ZNF490: variants seen among roughly 807,000 people sequenced by gnomAD.
ZNF490 encodes zinc finger protein 490.
ZNF490 carries 11 observed loss-of-function variants against 17.7 expected under a neutral mutation model. That is an observed-to-expected ratio of 0.62 (90% CI 0.39 to 1.03). The LOEUF is 1.03. Ranked by LOEUF, ZNF490 falls within the 50% of genes least tolerant of loss-of-function variation. The probability of loss-of-function intolerance (pLI) is 0.00; values close to 1 mark genes in which losing one functional copy is unlikely to be tolerated. For synonymous variants in ZNF490, 222 were observed against 216.1 expected, an observed-to-expected ratio of 1.03 and a Z score of -0.24; for missense variants, 542 against 643.4, an observed-to-expected ratio of 0.84 and a Z score of 1.71.
chr19:12,601,818 CT>C (rs1190566674), intron 2 of ZNF490, among the ~76,000 whole-genome samples: 1 of 151,320 alleles, frequency 6.6e-6, no homozygotes, highest in Non-Finnish European at 1.5e-5. Context: ...TGGTGAAACC[CT>C]GTCTCTACTA....
chr19:12,591,729 C>T (rs1006810639), intron 2 of ZNF490, among the ~76,000 whole-genome samples: 2 of 151,350 alleles, frequency 1.3e-5, no homozygotes, highest in African/African-American at 4.9e-5. Flanking sequence ...TTTTAAAACA[C>T]TAAAAACACC....
At chr19:12,592,765 T>C (rs781667061) in intron 2 of ZNF490, among the ~76,000 whole-genome samples, 14 of 152,144 alleles carry the variant, frequency 9.2e-5, no homozygotes, top group African/African-American at 2.7e-4. Context: ...ATTAAAGTAA[T>C]AGAAAATATA....
chr19:12,598,936 G>C (rs1276409364), intron 2 of ZNF490, among the ~76,000 whole-genome samples: 1 of 150,514 alleles, frequency 6.6e-6, no homozygotes, highest in Admixed American at 6.6e-5. Context: ...GCGGTGAGCC[G>C]AGACTGCATC....
chr19:12,589,553 G>GAATTTCT (rs1280491145), intron 2 of ZNF490, among the ~76,000 whole-genome samples: 2 of 147,786 alleles, frequency 1.4e-5, no homozygotes, highest in Non-Finnish European at 3.0e-5. Context: ...GAATAGAAGG[G>GAATTTCT]AATTTCTTCT....
At chr19:12,604,454 A>G (rs2023043285) in intron 2 of ZNF490, among the ~76,000 whole-genome samples, 1 of 152,166 alleles carries the variant, frequency 6.6e-6, no homozygotes, top group Non-Finnish European at 1.5e-5. Flanking sequence ...GTTCGAGACC[A>G]GCCTGGCCAG....
chr19:12,588,370 A>T (rs2022826895), intron 2 of ZNF490, among the ~76,000 whole-genome samples: 1 of 152,182 alleles, frequency 6.6e-6, no homozygotes, highest in South Asian at 2.1e-4. Context: ...TGAAATTATC[A>T]GTGATAGAAG....
In ZNF490 at chr19:12,580,527, AG is replaced by A; in HGVS notation, c.1547del (p.Ser516PhefsTer49). The A allele has an allele frequency of 6.2e-7, 1 of 1,611,548 alleles. No homozygotes were observed. Among genetic ancestry groups the A allele is most frequent in the South Asian group, 1.1e-5 (1 of 90,892 alleles). ...TATGAGTCCTTTCGTGCACGTGCAA[AG>A]ACTTTGAGTAACTGAAGGCTTTACC... Reference protein sequence around the residue: ...QCGKAFSYSKSLHVHERTHSR... With the variant: ...QCGKAFSYSKXLHVHERTHSR... On this transcript the variant is annotated frameshift_variant, in exon 5 of 5. Coordinates refer to ENST00000311437, the MANE Select transcript of ZNF490 (RefSeq NM_020714.3). LOFTEE classifies it low-confidence loss of function (END_TRUNC).
In ZNF490 at chr19:12,580,950, A is replaced by G. The variant is rs2022723486; in HGVS notation, c.1125T>C (p.Ser375=). ...KKCGEAFKSS[S]SCEVHERTHF... ...GAGTTCTTTCGTGCACTTCACAGGA[A>G]CTAGATGACTTGAAGGCTTCCCCAC... Residue 375 remains serine (S), a synonymous_variant, in exon 5 of 5, where the codon AGT becomes AGC. Coordinates refer to ENST00000311437, the MANE Select transcript of ZNF490 (RefSeq NM_020714.3). 1 of 1,614,182 alleles carries G rather than the reference A, an allele frequency of 6.2e-7. No homozygotes were observed. Among genetic ancestry groups the G allele is most frequent in the African/African-American group, 1.3e-5 (1 of 75,046 alleles).
intron 2 of ZNF490, among the ~76,000 whole-genome samples, chr19:12,600,072 T>C (rs905133247): frequency 2.0e-5 from 3 of 152,140 alleles, no homozygotes; most frequent in African/African-American, 7.2e-5. Context: ...TTATTAAGAA[T>C]TGGGTTTAGG....
At chr19:12,588,908 T>C (rs2022833298) in intron 2 of ZNF490, among the ~76,000 whole-genome samples, 1 of 152,166 alleles carries the variant, frequency 6.6e-6, no homozygotes, top group Admixed American at 6.5e-5. Flanking sequence ...TAAATAAAAA[T>C]AGAACTTATC....
intron 1 of ZNF490, among the ~76,000 whole-genome samples, chr19:12,610,331 G>A (rs1327262137): frequency 1.3e-4 from 3 of 23,288 alleles, no homozygotes; most frequent in Non-Finnish European, 2.4e-4. Flanking sequence ...CCCCCACCAC[G>A]CAGTAGCTGG....
In ZNF490 at chr19:12,606,038, G is replaced by A. The variant is rs1000973502; in HGVS notation, c.162+3120C>T. ...TGGGATTACAGGCATGTGCCACCAC[G>A]TCCCGCTAATTTTGTATTTTTAGTA... On this transcript the variant is annotated intron_variant, in intron 2 of 4. Coordinates refer to ENST00000311437, the MANE Select transcript of ZNF490 (RefSeq NM_020714.3). Among the ~76,000 whole-genome samples the A allele has an allele frequency of 9.9e-5, 15 of 151,932 alleles. No individual in the cohort carries two copies. In the South Asian group the frequency reaches 1.2e-3, roughly 13 times the overall value.
chr19:12,589,565 CTTCT>C (rs1445125123), intron 2 of ZNF490, among the ~76,000 whole-genome samples: 50 of 125,504 alleles, frequency 4.0e-4, no homozygotes, highest in African/African-American at 1.2e-3. Context: ...ATTTCTTCTT[CTTCT>C]TTTTTTTTTT....
At chr19:12,603,786 C>CTA (rs1175341590) in intron 2 of ZNF490, among the ~76,000 whole-genome samples, 3 of 88,950 alleles carry the variant, frequency 3.4e-5, no homozygotes, top group Middle Eastern at 5.5e-3. Flanking sequence ...GAGACCCTAT[C>CTA]TCAAAAAAAA....
In ZNF490 at chr19:12,610,806, A is replaced by G. The variant is rs1262335856; in HGVS notation, c.-126T>C. On this transcript the variant is annotated 5_prime_UTR_variant, in exon 1 of 5. Coordinates refer to ENST00000311437, the MANE Select transcript of ZNF490 (RefSeq NM_020714.3). The stretch of plus-strand genomic sequence containing the variant: ...GTTCCGTCCCACCGGCGGAAGCGAG[A>G]TCTGCCTAGCTACTAGACCTGCTGC... 10 of 1,002,476 alleles carry G rather than the reference A, an allele frequency of 1.0e-5. No homozygotes were observed. Among genetic ancestry groups the G allele is most frequent in the Admixed American group, 1.8e-5 (1 of 54,948 alleles). 62.1% of individuals were successfully genotyped at this position (1,002,476 alleles called of 1,614,324 possible).
intron 2 of ZNF490, among the ~76,000 whole-genome samples, chr19:12,595,369 T>C (rs1192553675): frequency 6.6e-6 from 1 of 152,084 alleles, no homozygotes; most frequent in Non-Finnish European, 1.5e-5. Flanking sequence ...TGTCTTAGCC[T>C]CCCAAAGTGT....
intron 2 of ZNF490, among the ~76,000 whole-genome samples, chr19:12,596,483 T>C (rs2022935313): frequency 6.6e-6 from 1 of 151,868 alleles, no homozygotes; most frequent in African/African-American, 2.4e-5. Context: ...CGTTCAAGAC[T>C]AGCATGAGCA....
At position 12,610,762 on chromosome 19, in the gene ZNF490, T is replaced by C; in HGVS notation, c.-82A>G. 7.1e-7 allele frequency: 1 copy of C among 1,405,380 alleles called. No individual in the cohort carries two copies. The allele number at this position is 1,405,380 out of a possible 1,614,324, so 87.1% of individuals were successfully genotyped here. On this transcript the variant is annotated 5_prime_UTR_variant, in exon 1 of 5. Transcript: ENST00000311437. The stretch of plus-strand genomic sequence containing the variant: ...CGGAACAATTTCTGCTTCAACACAA[T>C]TGTCCACGGAGGGCACCAGTTCCGT...
At chr19:12,589,407 A>C (rs1240831375) in intron 2 of ZNF490, among the ~76,000 whole-genome samples, 2 of 152,094 alleles carry the variant, frequency 1.3e-5, no homozygotes, top group Non-Finnish European at 2.9e-5. Flanking sequence ...GGTCTTGTGA[A>C]AATATCAATA....
Sources: allele counts gnomAD v4.1 joint callset (sites outside exome capture counted in the v4.1 genomes callset), GRCh38; gene constraint gnomAD v4.1.1; transcripts MANE v1.5; gene names NCBI Gene and HGNC (gene_info 2026-07-23, HGNC 2026-07-21).